PRDM5: variants seen among roughly 807,000 people sequenced by gnomAD.
PRDM5 encodes PR/SET domain 5.
PRDM5 carries 56 observed loss-of-function variants against 81.2 expected under a neutral mutation model. The observed-to-expected ratio is 0.69, with a 90% CI of 0.56 to 0.86. The LOEUF (loss-of-function observed/expected upper bound fraction) is 0.86. Ranked by LOEUF, PRDM5 falls within the 40% of genes least tolerant of loss-of-function variation. The probability of loss-of-function intolerance (pLI) is 0.00; values close to 1 mark genes in which losing one functional copy is unlikely to be tolerated. For synonymous variants in PRDM5, 267 were observed against 256.4 expected, an observed-to-expected ratio of 1.04 and a Z score of -0.39; for missense variants, 697 against 770.1, an observed-to-expected ratio of 0.91 and a Z score of 1.12.
chr4:120,803,537 G>A (rs1005847902), intron 8 of PRDM5, among the ~76,000 whole-genome samples: 1 of 152,226 alleles, frequency 6.6e-6, no homozygotes, highest in Non-Finnish European at 1.5e-5. Flanking sequence ...CCAGAAGAGA[G>A]TGAGGGCCAA....
intron 2 of PRDM5, among the ~76,000 whole-genome samples, chr4:120,890,566 C>G (rs1353323853): frequency 6.6e-6 from 1 of 152,220 alleles, no homozygotes; most frequent in African/African-American, 2.4e-5. Flanking sequence ...AATGGCTGAA[C>G]TTATTTACAT....
At chr4:120,777,087 C>A in intron 13 of PRDM5, 101 bp downstream of exon 13, 3 of 1,588,018 alleles carry the variant, frequency 1.9e-6, no homozygotes, top group Non-Finnish European at 2.6e-6. Context: ...AAGATTAATT[C>A]TTAATCTGGA....
At chr4:120,817,778 A>G (rs1754731506) in intron 5 of PRDM5, among the ~76,000 whole-genome samples, 1 of 152,172 alleles carries the variant, frequency 6.6e-6, no homozygotes, top group Admixed American at 6.5e-5. Flanking sequence ...TGTTGTTAAT[A>G]TAAATTGTTA....
intron 14 of PRDM5, among the ~76,000 whole-genome samples, chr4:120,732,973 A>G (rs1412224058): frequency 1.3e-5 from 2 of 152,228 alleles, no homozygotes; most frequent in Non-Finnish European, 2.9e-5. Flanking sequence ...TGTGCATTGT[A>G]TTTTGTTCTA....
At chr4:120,865,189 C>A (rs1218995362) in intron 2 of PRDM5, among the ~76,000 whole-genome samples, 1 of 152,150 alleles carries the variant, frequency 6.6e-6, no homozygotes, top group African/African-American at 2.4e-5. Flanking sequence ...TTGGGACACT[C>A]CAAGTGGGGA....
chr4:120,707,550 C>A (rs1012092453), intron 15 of PRDM5, among the ~76,000 whole-genome samples: 1 of 151,050 alleles, frequency 6.6e-6, no homozygotes, highest in Admixed American at 6.6e-5. Context: ...AACTATAAGA[C>A]TCTTAGAGAA....
chr4:120,922,162 C>G (rs72923591), intron 1 of PRDM5, among the ~76,000 whole-genome samples: 7,602 of 152,304 alleles, frequency 0.05, 205 homozygotes, highest in African/African-American at 0.068. Flanking sequence ...AAAGACGCAG[C>G]TCACACCCGT....
intron 3 of PRDM5, among the ~76,000 whole-genome samples, chr4:120,849,301 A>C (rs1758994861): frequency 6.6e-6 from 1 of 152,180 alleles, no homozygotes; most frequent in African/African-American, 2.4e-5. Flanking sequence ...GTGTCGCCAG[A>C]GAAGACCCCA....
At chr4:120,729,046 T>TC (rs1277777722) in intron 14 of PRDM5, among the ~76,000 whole-genome samples, 1 of 152,176 alleles carries the variant, frequency 6.6e-6, no homozygotes, top group Non-Finnish European at 1.5e-5. Context: ...CGGCTTTCCC[T>TC]CTAATGAATT....
chr4:120,855,116 G>A (rs1759726784), intron 2 of PRDM5, among the ~76,000 whole-genome samples: 1 of 152,084 alleles, frequency 6.6e-6, no homozygotes, highest in Non-Finnish European at 1.5e-5. Flanking sequence ...AGACACATCT[G>A]TTACAGGCAC....
chr4:120,801,178 G>A (rs372940646), intron 8 of PRDM5, among the ~76,000 whole-genome samples: 3 of 152,312 alleles, frequency 2.0e-5, no homozygotes, highest in South Asian at 4.1e-4. Context: ...CCCCAGAGAA[G>A]TAAACGCCCT....
At chr4:120,889,953 C>T (rs1763866329) in intron 2 of PRDM5, among the ~76,000 whole-genome samples, 1 of 152,186 alleles carries the variant, frequency 6.6e-6, no homozygotes, top group African/African-American at 2.4e-5. Context: ...CATTGATGGG[C>T]ATGCAGGCTG....
chr4:120,788,212 T>C (rs1252648826), intron 10 of PRDM5, among the ~76,000 whole-genome samples: 1 of 152,160 alleles, frequency 6.6e-6, no homozygotes, highest in East Asian at 1.9e-4. Flanking sequence ...TAAAAAGATA[T>C]AAACCTGGTT....
intron 14 of PRDM5, among the ~76,000 whole-genome samples, chr4:120,727,430 C>T (rs1303795247): frequency 6.6e-6 from 1 of 152,162 alleles, no homozygotes; most frequent in Admixed American, 6.5e-5. Context: ...GCCTCTAGAA[C>T]TGCCCCACTG....
At chr4:120,734,253 T>TTG (rs1740718502) in intron 14 of PRDM5, among the ~76,000 whole-genome samples, 1 of 150,612 alleles carries the variant, frequency 6.6e-6, no homozygotes, top group South Asian at 2.1e-4. Context: ...CTTTGTTTGT[T>TTG]TGTTTTTTTT....
chr4:120,821,107 A>G, intron 4 of PRDM5, 64 bp downstream of exon 4: 1 of 1,535,744 alleles, frequency 6.5e-7, no homozygotes, highest in Non-Finnish European at 9.0e-7. Context: ...ATTCAACCAC[A>G]GTTTAAACTA....
chr4:120,727,423 T>C (rs538246127), intron 14 of PRDM5, among the ~76,000 whole-genome samples: 35 of 152,152 alleles, frequency 2.3e-4, no homozygotes, highest in Non-Finnish European at 4.6e-4. Flanking sequence ...TGGGAAAGCC[T>C]CTAGAACTGC....
At chr4:120,759,123 C>T (rs533013570) in intron 13 of PRDM5, among the ~76,000 whole-genome samples, 39 of 151,464 alleles carry the variant, frequency 2.6e-4, no homozygotes, top group Non-Finnish European at 5.2e-4. Context: ...CCCATGAGGT[C>T]TACGTAAATC....
At chr4:120,770,028 G>A (rs202231711) in intron 13 of PRDM5, among the ~76,000 whole-genome samples, 16 of 102,592 alleles carry the variant, frequency 1.6e-4, no homozygotes, top group African/African-American at 5.2e-4. Context: ...TTATTTGTTT[G>A]TTTGTTTGTT....
Sources: gnomAD v4.1 joint callset for allele counts (sites outside exome capture counted in the v4.1 genomes callset) on GRCh38, gnomAD v4.1.1 for gene constraint, MANE v1.5 for transcripts, NCBI Gene and HGNC (gene_info 2026-07-23, HGNC 2026-07-21) for gene names.